The following FRMD4B variants were observed in gnomAD, a reference collection of about 807,000 sequenced individuals.
FRMD4B encodes FERM domain containing 4B.
Under a neutral mutation model 141.5 loss-of-function variants are expected in FRMD4B, and 74 were observed. That is an observed-to-expected ratio of 0.52 (90% confidence interval 0.43 to 0.63). The LOEUF is 0.63. FRMD4B is among the 30% of genes least tolerant of loss of function. FRMD4B has a pLI of 0.00. For synonymous variants in FRMD4B, 506 were observed against 467.9 expected, an observed-to-expected ratio of 1.08 and a Z score of -1.05; for missense variants, 1,366 against 1,253.4, an observed-to-expected ratio of 1.09 and a Z score of -1.36.
At chr3:69,336,363 C>T (rs1452311356) in intron 1 of FRMD4B, 1 of 152,190 alleles carries the variant, frequency 6.6e-6, no homozygotes, top group Non-Finnish European at 1.5e-5. Context: ...AAGTCTGAAA[C>T]TACTGGGCTA....
intron 1 of FRMD4B, among the ~76,000 whole-genome samples, chr3:69,362,075 A>G (rs1216503490): frequency 6.6e-6 from 1 of 152,208 alleles, no homozygotes; most frequent in African/African-American, 2.4e-5. Context: ...TTTGTGTTTA[A>G]GTGACTTTTT....
At chr3:69,457,499 TG>T (rs1478336184) in intron 1 of FRMD4B, among the ~76,000 whole-genome samples, 1 of 152,204 alleles carries the variant, frequency 6.6e-6, no homozygotes, top group Non-Finnish European at 1.5e-5. Context: ...AACATCTACT[TG>T]GGGTCCTGGG....
At chr3:69,439,924 G>C (rs568122924) in intron 1 of FRMD4B, among the ~76,000 whole-genome samples, 71 of 152,144 alleles carry the variant, frequency 4.7e-4, no homozygotes, top group African/African-American at 1.6e-3. Flanking sequence ...TTTTTCTATT[G>C]GGTAGTTTAA....
At chr3:69,512,259 T>G (rs1706701685) in intron 1 of FRMD4B, among the ~76,000 whole-genome samples, 1 of 152,176 alleles carries the variant, frequency 6.6e-6, no homozygotes, top group Admixed American at 6.6e-5. Context: ...CCCTACTTAA[T>G]GCTTTCATAA....
chr3:69,534,067 C>T (rs1046528426), intron 1 of FRMD4B, among the ~76,000 whole-genome samples: 5 of 152,206 alleles, frequency 3.3e-5, no homozygotes, highest in Admixed American at 1.3e-4. Context: ...TCTCAGGCCC[C>T]GTACCAGATC....
chr3:69,216,161 A>C (rs2093138531), intron 11 of FRMD4B, 102 bp downstream of exon 11: 1 of 667,580 alleles, frequency 1.5e-6, no homozygotes, highest in African/African-American at 1.9e-5. Context: ...CTCAAAAAAA[A>C]CCAAAAAAAC....
At chr3:69,265,527 C>T (rs1205234385) in intron 5 of FRMD4B, among the ~76,000 whole-genome samples, 7 of 139,702 alleles carry the variant, frequency 5.0e-5, no homozygotes, top group Non-Finnish European at 9.1e-5. Flanking sequence ...CGGCTCACTG[C>T]AAGCTCCGCC....
chr3:69,252,469 A>G (rs2093469034), intron 5 of FRMD4B, among the ~76,000 whole-genome samples: 1 of 152,168 alleles, frequency 6.6e-6, no homozygotes, highest in Non-Finnish European at 1.5e-5. Context: ...GCAAAGGCCC[A>G]TATTCTTTTA....
At chr3:69,516,583 T>C (rs895543103) in intron 1 of FRMD4B, among the ~76,000 whole-genome samples, 18 of 152,218 alleles carry the variant, frequency 1.2e-4, no homozygotes, top group Admixed American at 1.2e-3. Flanking sequence ...TTTAGCCCGG[T>C]GAAACCTGGC....
chr3:69,222,305 A>C (rs4621334), intron 8 of FRMD4B, among the ~76,000 whole-genome samples: 16,931 of 151,876 alleles, frequency 0.11, 1,061 homozygotes, highest in African/African-American at 0.17. Context: ...ATCTCTACTA[A>C]AAATACAAAA....
At chr3:69,503,176 C>A (rs1316744025) in intron 1 of FRMD4B, among the ~76,000 whole-genome samples, 1 of 152,128 alleles carries the variant, frequency 6.6e-6, no homozygotes, top group Admixed American at 6.5e-5. Flanking sequence ...CCAGCCATCC[C>A]ATTACTGGGT....
At chr3:69,497,355 C>A (rs1291528838) in intron 1 of FRMD4B, among the ~76,000 whole-genome samples, 1 of 152,118 alleles carries the variant, frequency 6.6e-6, no homozygotes. Flanking sequence ...TGTCAAAGTT[C>A]ATAACTGAGT....
chr3:69,537,046 C>A (rs1227617623), intron 1 of FRMD4B, among the ~76,000 whole-genome samples: 3 of 152,222 alleles, frequency 2.0e-5, no homozygotes, highest in Admixed American at 2.0e-4. Flanking sequence ...CTGCACCCCA[C>A]CAGGAATTCT....
rs545422415 is a variant in FRMD4B, at chr3:69,251,294, G to A, written c.502-1195C>T. On this transcript the variant is annotated intron_variant, in intron 5 of 22. Coordinates refer to ENST00000398540, the MANE Select transcript of FRMD4B (RefSeq NM_015123.3). ...TTCCACCTCTTGAATCTGAGCTGGA[G>A]TGTTTCCTAGTTATACCAAGTGCAT... Among the ~76,000 whole-genome samples the A allele has an allele frequency of 1.7e-3, 255 of 152,224 alleles. 4 individuals are homozygous for A. In the South Asian group the frequency reaches 0.025, roughly 15 times the overall value.
intron 5 of FRMD4B, among the ~76,000 whole-genome samples, chr3:69,277,584 G>A (rs1166149007): frequency 7.7e-5 from 9 of 117,122 alleles, no homozygotes; most frequent in Middle Eastern, 9.6e-3. Flanking sequence ...GTGCAGTTGC[G>A]CAATCTCAGC....
chr3:69,182,801 A>T, intron 19 of FRMD4B, 84 bp from the exon 20 acceptor site: 1 of 1,311,962 alleles, frequency 7.6e-7, no homozygotes, highest in Non-Finnish European at 1.1e-6. Flanking sequence ...TACAAAACTT[A>T]CTAGAAGCCC....
At chr3:69,368,325 T>C (rs987903656) in intron 1 of FRMD4B, among the ~76,000 whole-genome samples, 25 of 152,194 alleles carry the variant, frequency 1.6e-4, no homozygotes, top group Non-Finnish European at 2.4e-4. Flanking sequence ...TCCCACAGGA[T>C]ATGTGCAAAT....
chr3:69,179,436 G>C (rs1340958886), intron 21 of FRMD4B, among the ~76,000 whole-genome samples: 1 of 152,134 alleles, frequency 6.6e-6, no homozygotes, highest in Non-Finnish European at 1.5e-5. Flanking sequence ...ACTTTAAGAG[G>C]AAGAAAGGTG....
At chr3:69,344,375 G>A (rs961821285) in intron 1 of FRMD4B, among the ~76,000 whole-genome samples, 2 of 152,194 alleles carry the variant, frequency 1.3e-5, no homozygotes, top group Admixed American at 6.5e-5. Flanking sequence ...AGGAAAGGAA[G>A]GGAAAGAGGG....
Sources: gnomAD v4.1 joint callset for allele counts (sites outside exome capture counted in the v4.1 genomes callset) on GRCh38, gnomAD v4.1.1 for gene constraint, MANE v1.5 for transcripts, NCBI Gene and HGNC (gene_info 2026-07-23, HGNC 2026-07-21) for gene names.